The following DENND2A variants were observed in gnomAD, a reference collection of about 807,000 sequenced individuals.
The protein encoded by DENND2A is DENN domain-containing protein 2A.
DENND2A carries 53 observed loss-of-function variants against 105.3 expected under a neutral mutation model. The observed-to-expected ratio is 0.50, with a 90% CI of 0.40 to 0.63. The LOEUF (loss-of-function observed/expected upper bound fraction) is 0.63, where lower values mean the gene tolerates loss of function less well. Among genes scored for constraint, DENND2A ranks in the 30% least tolerant of loss-of-function variants. The pLI, the probability that DENND2A is intolerant of heterozygous loss-of-function variation, is 0.00. For synonymous variants in DENND2A, 522 were observed against 508.4 expected, an observed-to-expected ratio of 1.03 and a Z score of -0.36; for missense variants, 1,138 against 1,279.6, an observed-to-expected ratio of 0.89 and a Z score of 1.69.
intron 14 of DENND2A, among the ~76,000 whole-genome samples, chr7:140,535,892 C>A (rs562281906): frequency 2.0e-4 from 30 of 152,196 alleles, no homozygotes; most frequent in African/African-American, 7.0e-4. Context: ...GTCCTTCCAA[C>A]TTTAACATCT....
chr7:140,558,010 C>T (rs1797450165), intron 11 of DENND2A, 133 bp downstream of exon 11: 4 of 671,704 alleles, frequency 6.0e-6, no homozygotes, highest in Non-Finnish European at 7.7e-6. Context: ...ACCTGCCACT[C>T]CCCCTGCTCC....
chr7:140,583,432 C>T lies in DENND2A; in HGVS notation c.1245+2157G>A, dbSNP rs568013460. On this transcript the variant is annotated intron_variant, in intron 5 of 19. Transcript: ENST00000496613. ...ATGGCTGGAGACGCTTCTTAAAGGA[C>T]GCATGATTGAACTGGGCCTCAGAGG... Among the ~76,000 whole-genome samples, 5 of 150,138 alleles carry T rather than the reference C, an allele frequency of 3.3e-5. No individual in the cohort carries two copies. In the South Asian group the frequency reaches 6.3e-4, roughly 19 times the overall value.
At chr7:140,603,672 G>A (rs763326655) in intron 2 of DENND2A, among the ~76,000 whole-genome samples, 4 of 152,234 alleles carry the variant, frequency 2.6e-5, no homozygotes, top group Admixed American at 6.5e-5. Context: ...GAATGAATGC[G>A]TGAATAAAGA....
At chr7:140,607,718 G>A (rs147925625) in intron 1 of DENND2A, among the ~76,000 whole-genome samples, 298 of 152,210 alleles carry the variant, frequency 2.0e-3, no homozygotes, top group African/African-American at 6.9e-3. Context: ...TCTTCTGTCC[G>A]GCATCTGGCA....
chr7:140,532,889 G>GGAGGCACAGC (rs5887979), intron 14 of DENND2A, among the ~76,000 whole-genome samples: 59 of 151,576 alleles, frequency 3.9e-4, no homozygotes, highest in Admixed American at 3.6e-3. Context: ...TATATAAAAA[G>GGAGGCACAGC]GAGGATAGCC....
rs557928955 is a variant in DENND2A, at chr7:140,627,297, C to T, written c.-248+13207G>A. Among the ~76,000 whole-genome samples, 54 of 152,088 alleles carry T rather than the reference C, an allele frequency of 3.6e-4. 1 individual carries two copies. Among genetic ancestry groups the T allele is most frequent in the African/African-American group, 1.3e-3 (52 of 41,508 alleles). ...CACAATCTTGGCTCACTGCAACCTC[C>T]ACCTCCAGAGTTCAAGCAATTCTTG... On this transcript the variant is annotated intron_variant, in intron 1 of 19. Transcript: ENST00000496613.
At chr7:140,575,747 C>G (rs1212513918) in intron 5 of DENND2A, among the ~76,000 whole-genome samples, 1 of 152,056 alleles carries the variant, frequency 6.6e-6, no homozygotes, top group Admixed American at 6.6e-5. Flanking sequence ...GTGGGTGGAT[C>G]ACCTGAGGTC....
chr7:140,543,025 A>C (rs1201462007), intron 14 of DENND2A, among the ~76,000 whole-genome samples: 1 of 151,720 alleles, frequency 6.6e-6, no homozygotes, highest in Non-Finnish European at 1.5e-5. Context: ...TCCAGAACTC[A>C]CTGCCTCTAC....
chr7:140,579,759 T>C (rs911314296), intron 5 of DENND2A, among the ~76,000 whole-genome samples: 2 of 151,860 alleles, frequency 1.3e-5, no homozygotes, highest in African/African-American at 4.8e-5. Flanking sequence ...TAAACCAAAG[T>C]GTTAGCAGTG....
chr7:140,557,070 A>C (rs1213692858), intron 11 of DENND2A, among the ~76,000 whole-genome samples: 1 of 152,160 alleles, frequency 6.6e-6, no homozygotes, highest in Admixed American at 6.6e-5. Flanking sequence ...AAATTCGCTT[A>C]AAGAGAGAAA....
At position 140,566,747 on chromosome 7, in the gene DENND2A, C is replaced by T. The variant is rs954082817; in HGVS notation, c.1779+339G>A. On this transcript the variant is annotated intron_variant, in intron 9 of 19. Coordinates refer to ENST00000496613, the MANE Select transcript of DENND2A (RefSeq NM_015689.5). The stretch of plus-strand genomic sequence containing the variant: ...TGTCGCCCAGGCCGGAGTGCAGTGG[C>T]GTGATCTTGGCTCACTGCAACCTCC... Among the ~76,000 whole-genome samples, 10 of 137,630 alleles carry T rather than the reference C, an allele frequency of 7.3e-5. 1 individual carries two copies. Among genetic ancestry groups the T allele is most frequent in the African/African-American group, 2.8e-4 (10 of 35,248 alleles). The allele number at this position is 137,630 out of a possible 152,430, so 90.3% of individuals were successfully genotyped here.
At chr7:140,557,531 A>ATATATATATTT (rs1554467351) in intron 11 of DENND2A, among the ~76,000 whole-genome samples, 1 of 39,660 alleles carries the variant, frequency 2.5e-5, no homozygotes, top group African/African-American at 7.3e-5. Flanking sequence ...ATATATATAT[A>ATATATATATTT]TTTTTTTTTT....
rs114627810 is a variant in DENND2A at position 140,533,676 on chromosome 7, G to A, written c.2328-6181C>T. Among the ~76,000 whole-genome samples the A allele has an allele frequency of 8.3e-3, 1,266 of 152,314 alleles. 18 individuals carry two copies. The highest frequency in any genetic ancestry group is 0.029 in the African/African-American group (1,219 of 41,570). ...CAGGCTTGATGCGAGAAATGATGAC[G>A]ACTCGGCTGGGGAACCAGCTGGCCG... On this transcript the variant is annotated intron_variant, in intron 14 of 19. Transcript: ENST00000496613.
At chr7:140,631,581 C>T (rs150995681) in intron 1 of DENND2A, among the ~76,000 whole-genome samples, 4 of 152,258 alleles carry the variant, frequency 2.6e-5, no homozygotes, top group Non-Finnish European at 5.9e-5. Flanking sequence ...CTATTAGATG[C>T]ATCAGTCAGC....
chr7:140,622,164 G>A lies in DENND2A; in HGVS notation c.-247-16358C>T, dbSNP rs189295993. Among the ~76,000 whole-genome samples the A allele has an allele frequency of 8.5e-5, 13 of 152,292 alleles. No individual in the cohort carries two copies. The South Asian group carries it at 1.5e-3, about 17-fold the overall frequency. On this transcript the variant is annotated intron_variant, in intron 1 of 19. Coordinates refer to ENST00000496613, the MANE Select transcript of DENND2A (RefSeq NM_015689.5). ...TGTGATCCCAGGTCTTTGGGAGGCT[G>A]AGATGGACAGATCACTTGAAGCCAG...
chr7:140,634,786 T>C (rs1379602806), intron 1 of DENND2A, among the ~76,000 whole-genome samples: 1 of 151,626 alleles, frequency 6.6e-6, no homozygotes, highest in Non-Finnish European at 1.5e-5. Flanking sequence ...GCAGGAGAAT[T>C]GCTTGAAGCT....
At chr7:140,639,253 G>A (rs1801083011) in intron 1 of DENND2A, among the ~76,000 whole-genome samples, 1 of 151,370 alleles carries the variant, frequency 6.6e-6, no homozygotes, top group African/African-American at 2.4e-5. Flanking sequence ...TCGGGAAGCT[G>A]AGACAGGAGA....
intron 12 of DENND2A, among the ~76,000 whole-genome samples, chr7:140,549,549 G>A (rs1042955870): frequency 7.2e-5 from 11 of 152,032 alleles, no homozygotes; most frequent in African/African-American, 1.9e-4. Context: ...CGCCATGCCC[G>A]GCCCTCGAAA....
Position 140,586,299 on chromosome 7 carries a change from A to ACC in DENND2A, c.1124-590_1124-589insGG, listed in dbSNP as rs1376176415. Among the ~76,000 whole-genome samples the ACC allele has an allele frequency of 4.6e-5, 7 of 151,698 alleles. No individual in the cohort carries two copies. In the East Asian group the frequency reaches 1.4e-3, roughly 30 times the overall value. ...TTTGGGAGGCCGAAGGGGGTGGATC[A>ACC]CTTGAGCCCAGGAGTTTGAGACTAG... is the stretch of plus-strand genomic sequence containing the variant. On this transcript the variant is annotated intron_variant, in intron 4 of 19. Transcript: ENST00000496613.
Sources: allele counts gnomAD v4.1 joint callset (sites outside exome capture counted in the v4.1 genomes callset), GRCh38; gene constraint gnomAD v4.1.1; transcripts MANE v1.5; gene names NCBI Gene and HGNC (gene_info 2026-07-23, HGNC 2026-07-21).